Variants in ZNF438 observed in about 807,000 individuals in gnomAD.
The protein encoded by ZNF438 is zinc finger protein 438.
In ZNF438, 25 loss-of-function variants were observed where a neutral mutation model predicts 38.0. The ratio of observed to expected loss-of-function variants is 0.66; its 90% CI spans 0.48 to 0.92. ZNF438 has a LOEUF of 0.92. Ranked by LOEUF, ZNF438 falls within the 40% of genes least tolerant of loss-of-function variation. ZNF438 has a pLI of 0.00. For missense variants in ZNF438, 1,007 were observed against 999.6 expected, an observed-to-expected ratio of 1.01 and a Z score of -0.10; for synonymous variants, 372 against 364.1, an observed-to-expected ratio of 1.02 and a Z score of -0.25.
At chr10:31,019,208 C>T (rs1241767124) in intron 1 of ZNF438, among the ~76,000 whole-genome samples, 3 of 152,196 alleles carry the variant, frequency 2.0e-5, no homozygotes, top group Non-Finnish European at 2.9e-5. Context: ...CCAGGGCTTC[C>T]TATTTCACTT....
intron 1 of ZNF438, among the ~76,000 whole-genome samples, chr10:30,991,167 G>A (rs1486290558): frequency 1.3e-5 from 2 of 152,196 alleles, no homozygotes; most frequent in African/African-American, 4.8e-5. Context: ...GAGAGCTCTA[G>A]TCCAGAAGGT....
chr10:30,946,200 G>A (rs960241123), intron 1 of ZNF438, among the ~76,000 whole-genome samples: 1 of 152,042 alleles, frequency 6.6e-6, no homozygotes, highest in Admixed American at 6.6e-5. Flanking sequence ...AATTCAAGAC[G>A]GATTAAAGAC....
intron 1 of ZNF438, among the ~76,000 whole-genome samples, chr10:30,983,205 C>T (rs529903644): frequency 1.3e-4 from 20 of 152,308 alleles, no homozygotes; most frequent in Admixed American, 6.5e-4. Flanking sequence ...TAACCAAGTA[C>T]GAGGAGATGT....
chr10:30,901,654 C>T (rs1435152330), intron 3 of ZNF438, among the ~76,000 whole-genome samples: 1 of 151,768 alleles, frequency 6.6e-6, no homozygotes, highest in Non-Finnish European at 1.5e-5. Context: ...TGGCAATAGG[C>T]GATGGTCTCA....
chr10:31,013,708 T>C (rs1000926087), intron 1 of ZNF438, among the ~76,000 whole-genome samples: 3 of 152,162 alleles, frequency 2.0e-5, no homozygotes, highest in Non-Finnish European at 4.4e-5. Flanking sequence ...TGCCATCATT[T>C]ATCCACTTCC....
chr10:30,985,499 T>A (rs972084020), intron 1 of ZNF438, among the ~76,000 whole-genome samples: 3 of 152,244 alleles, frequency 2.0e-5, no homozygotes, highest in East Asian at 1.9e-4. Context: ...TCTGTCAGCA[T>A]CAGGAGATGT....
chr10:30,895,232 C>G (rs1271918548), intron 3 of ZNF438, among the ~76,000 whole-genome samples: 1 of 152,158 alleles, frequency 6.6e-6, no homozygotes, highest in Non-Finnish European at 1.5e-5. Context: ...TTTCTAGATC[C>G]ACTCCTCCAA....
chr10:30,888,375 A>G (rs1356290819), intron 3 of ZNF438, among the ~76,000 whole-genome samples: 1 of 152,176 alleles, frequency 6.6e-6, no homozygotes, highest in Non-Finnish European at 1.5e-5. Flanking sequence ...ACACACATTT[A>G]GCTTTTATTT....
At chr10:30,969,596 G>T (rs2050522715) in intron 1 of ZNF438, among the ~76,000 whole-genome samples, 1 of 152,142 alleles carries the variant, frequency 6.6e-6, no homozygotes, top group Non-Finnish European at 1.5e-5. Flanking sequence ...TGGGTTTCCA[G>T]CAATAATCAG....
intron 2 of ZNF438, among the ~76,000 whole-genome samples, chr10:30,926,577 A>C (rs952015203): frequency 4.6e-5 from 7 of 152,002 alleles, no homozygotes; most frequent in African/African-American, 1.7e-4. Flanking sequence ...GAGACAGGAG[A>C]ATCACTTGAA....
chr10:31,020,167 T>C (rs1225857310), intron 1 of ZNF438, among the ~76,000 whole-genome samples: 1 of 152,174 alleles, frequency 6.6e-6, no homozygotes, highest in South Asian at 2.1e-4. Context: ...CTAGTAACCA[T>C]ATTCAGGAAT....
chr10:30,949,468 G>C (rs576561374), intron 1 of ZNF438, among the ~76,000 whole-genome samples: 4 of 152,190 alleles, frequency 2.6e-5, no homozygotes, highest in Admixed American at 6.5e-5. Flanking sequence ...ATTGGACAAA[G>C]GGTCAAGACC....
chr10:30,890,981 G>A (rs746325742), intron 3 of ZNF438, among the ~76,000 whole-genome samples: 1 of 152,172 alleles, frequency 6.6e-6, no homozygotes, highest in Non-Finnish European at 1.5e-5. Flanking sequence ...ATATTCCACT[G>A]TATTCTGGTT....
chr10:30,985,448 C>G (rs11008322), intron 1 of ZNF438, among the ~76,000 whole-genome samples: 12,743 of 152,204 alleles, frequency 0.084, 569 homozygotes, highest in African/African-American at 0.12. Context: ...AACTGGTTGG[C>G]TCCATTAACA....
chr10:30,998,816 C>T (rs1589658271), intron 1 of ZNF438, among the ~76,000 whole-genome samples: 1 of 151,984 alleles, frequency 6.6e-6, no homozygotes, highest in Non-Finnish European at 1.5e-5. Flanking sequence ...CACAGTATAC[C>T]ATGATATAGT....
intron 1 of ZNF438, among the ~76,000 whole-genome samples, chr10:30,956,020 T>G (rs1389850160): frequency 6.6e-6 from 1 of 152,196 alleles, no homozygotes; most frequent in African/African-American, 2.4e-5. Flanking sequence ...ATACTCCAAC[T>G]AAATCACTGC....
intron 1 of ZNF438, among the ~76,000 whole-genome samples, chr10:30,986,772 T>C (rs1015006353): frequency 7.2e-5 from 11 of 152,216 alleles, no homozygotes; most frequent in Non-Finnish European, 1.5e-4. Flanking sequence ...GAGCATCATG[T>C]TGGCACTCAA....
chr10:30,920,356 T>C (rs781433863), intron 2 of ZNF438: 2 of 152,196 alleles, frequency 1.3e-5, no homozygotes, highest in African/African-American at 2.4e-5. Context: ...CAAATACTTA[T>C]CAGATACACT....
At chr10:30,884,667 G>A (rs2133874261) in intron 3 of ZNF438, among the ~76,000 whole-genome samples, 1 of 152,262 alleles carries the variant, frequency 6.6e-6, no homozygotes, top group East Asian at 1.9e-4. Context: ...CTAATACAAT[G>A]TGCTTTATAA....
Sources: gnomAD v4.1 joint callset for allele counts (sites outside exome capture counted in the v4.1 genomes callset) on GRCh38, gnomAD v4.1.1 for gene constraint, MANE v1.5 for transcripts, NCBI Gene and HGNC (gene_info 2026-07-23, HGNC 2026-07-21) for gene names.